Variants in PDZRN4 observed in about 807,000 individuals in gnomAD.
PDZRN4 encodes the protein PDZ domain-containing RING finger protein 4.
A neutral mutation model predicts 99.0 loss-of-function variants in PDZRN4; 70 were observed. That is an observed-to-expected ratio of 0.71 (90% CI 0.58 to 0.86). The LOEUF (loss-of-function observed/expected upper bound fraction) is 0.86. Among genes scored for constraint, PDZRN4 ranks in the 40% least tolerant of loss-of-function variants. The pLI is 0.00. For missense variants in PDZRN4, 1,474 were observed against 1,331.2 expected, an observed-to-expected ratio of 1.11 and a Z score of -1.67; for synonymous variants, 551 against 501.6, an observed-to-expected ratio of 1.10 and a Z score of -1.32.
chr12:41,376,217 AT>A (rs1390655629), intron 3 of PDZRN4, among the ~76,000 whole-genome samples: 6 of 152,048 alleles, frequency 3.9e-5, no homozygotes. Context: ...CAACATACTG[AT>A]TTTGTTTCCT....
chr12:41,245,568 G>T (rs7309290), intron 3 of PDZRN4, among the ~76,000 whole-genome samples: 86,028 of 151,918 alleles, frequency 0.57, 24,450 homozygotes, highest in East Asian at 0.65. Context: ...ATATGTGGTG[G>T]AGGGAATGAT....
rs142040236 is a variant in PDZRN4 at position 41,415,143 on chromosome 12, G to A, written c.844-91313G>A. 2.5e-4 allele frequency among the ~76,000 whole-genome samples: 38 copies of A among 152,132 alleles called. 1 individual carries two copies. In the East Asian group the frequency reaches 6.8e-3, roughly 27 times the overall value. On this transcript the variant is annotated intron_variant, in intron 3 of 9. Coordinates refer to ENST00000402685, the MANE Select transcript of PDZRN4 (RefSeq NM_001164595.2). ...TTAAAATATACCTCCATTGAGATGA[G>A]CCATAGAGAACTTGTGGAAAGTGTT...
intron 3 of PDZRN4, among the ~76,000 whole-genome samples, chr12:41,345,807 AAGAT>A (rs1204280748): frequency 6.6e-6 from 1 of 152,114 alleles, no homozygotes. Context: ...TTAAAACTGA[AAGAT>A]AAACTTCTGC....
intron 3 of PDZRN4, among the ~76,000 whole-genome samples, chr12:41,415,648 T>A (rs1224625827): frequency 2.0e-5 from 3 of 152,110 alleles, no homozygotes; most frequent in African/African-American, 7.2e-5. Flanking sequence ...CTTCCGTATC[T>A]AAAGGAAGAA....
intron 3 of PDZRN4, among the ~76,000 whole-genome samples, chr12:41,396,397 ATTGTTGTTGTTG>A (rs141772109): frequency 6.6e-6 from 1 of 151,848 alleles, no homozygotes; most frequent in Admixed American, 6.6e-5. Flanking sequence ...AGCGTTTGCT[ATTGTTGTTGTTG>A]TTGTTGTTGT....
chr12:41,359,291 A>G (rs1255139515), intron 3 of PDZRN4, among the ~76,000 whole-genome samples: 4 of 152,050 alleles, frequency 2.6e-5, no homozygotes, highest in African/African-American at 9.7e-5. Flanking sequence ...AATTTGGGCT[A>G]GAAAAGGGAC....
intron 3 of PDZRN4, among the ~76,000 whole-genome samples, chr12:41,345,919 T>A (rs1364184214): frequency 6.6e-6 from 1 of 152,136 alleles, no homozygotes; most frequent in Non-Finnish European, 1.5e-5. Context: ...TGATAATATA[T>A]TACATGTATA....
intron 3 of PDZRN4, among the ~76,000 whole-genome samples, chr12:41,390,400 T>G (rs1035014537): frequency 5.9e-5 from 9 of 152,170 alleles, no homozygotes; most frequent in Non-Finnish European, 4.4e-5. Context: ...TTTGTCATTG[T>G]TGTTCTATTT....
At chr12:41,413,362 G>A (rs1181854858) in intron 3 of PDZRN4, among the ~76,000 whole-genome samples, 1 of 152,138 alleles carries the variant, frequency 6.6e-6, no homozygotes, top group African/African-American at 2.4e-5. Context: ...TAGAGGCTGG[G>A]AAGGACAGGG....
At position 41,394,692 on chromosome 12, in the gene PDZRN4, G is replaced by A. The variant is rs187665117; in HGVS notation, c.844-111764G>A. On this transcript the variant is annotated intron_variant, in intron 3 of 9. Coordinates refer to ENST00000402685, the MANE Select transcript of PDZRN4 (RefSeq NM_001164595.2). ...TTAGTTCCTCACTAACTGTTGACCA[G>A]AGACTTCAGTTCCTTGCCATGCATG... is the stretch of plus-strand genomic sequence containing the variant. Among the ~76,000 whole-genome samples, 459 of 152,186 alleles carry A rather than the reference G, an allele frequency of 3.0e-3. 5 individuals are homozygous for A. Among genetic ancestry groups the A allele is most frequent in the African/African-American group, 0.011 (439 of 41,522 alleles).
chr12:41,552,469 C>A (rs1238162633), intron 5 of PDZRN4, among the ~76,000 whole-genome samples, 187 bp from the exon 6 acceptor site: 2 of 151,988 alleles, frequency 1.3e-5, no homozygotes, highest in East Asian at 3.9e-4. Context: ...CACTGGCTTC[C>A]CTACATAGAA....
chr12:41,510,106 G>A (rs962209806), intron 5 of PDZRN4, among the ~76,000 whole-genome samples, 193 bp downstream of exon 5: 12 of 152,038 alleles, frequency 7.9e-5, no homozygotes, highest in African/African-American at 1.2e-4. Flanking sequence ...TATTTTTATA[G>A]TATAAGCTTA....
At chr12:41,419,305 T>A (rs1449756399) in intron 3 of PDZRN4, among the ~76,000 whole-genome samples, 1 of 152,166 alleles carries the variant, frequency 6.6e-6, no homozygotes, top group Non-Finnish European at 1.5e-5. Context: ...TACAATAGTG[T>A]AACAGCTGGT....
At chr12:41,377,880 T>C (rs1197257942) in intron 3 of PDZRN4, among the ~76,000 whole-genome samples, 1 of 152,198 alleles carries the variant, frequency 6.6e-6, no homozygotes, top group Non-Finnish European at 1.5e-5. Context: ...CAGAGTTTTT[T>C]GGTGGAATCT....
chr12:41,264,987 T>C (rs754136487), intron 3 of PDZRN4, among the ~76,000 whole-genome samples: 15 of 152,172 alleles, frequency 9.9e-5, no homozygotes, highest in Non-Finnish European at 2.1e-4. Context: ...AACTATCTAG[T>C]GGGTACTATG....
intron 3 of PDZRN4, among the ~76,000 whole-genome samples, chr12:41,403,302 C>T (rs1952317222): frequency 6.6e-6 from 1 of 152,038 alleles, no homozygotes; most frequent in Admixed American, 6.6e-5. Flanking sequence ...TCTACCCTCT[C>T]GTATCATAAC....
intron 3 of PDZRN4, among the ~76,000 whole-genome samples, chr12:41,445,065 G>T (rs552948272): frequency 4.4e-4 from 67 of 151,938 alleles, no homozygotes; most frequent in African/African-American, 1.5e-3. Context: ...TATTTTCACT[G>T]TTTAATTGAC....
At chr12:41,552,793 C>A in intron 6 of PDZRN4, 39 bp downstream of exon 6, 1 of 1,465,766 alleles carries the variant, frequency 6.8e-7, no homozygotes, top group Non-Finnish European at 9.6e-7. Context: ...AGGAGGGAGA[C>A]TAGGAAGAAC....
In PDZRN4 at chr12:41,229,454, C is replaced by T. The variant is rs1951015205; in HGVS notation, c.843+35266C>T. Among the ~76,000 whole-genome samples the T allele has an allele frequency of 4.6e-5, 7 of 152,042 alleles. No individual in the cohort carries two copies. The South Asian group carries it at 1.5e-3, about 32-fold the overall frequency. ...TTCTCATTAAACAGCAGATTCTCTGCATTTCAAGTAAGCATGAGTAGCCTG... is the reference window on the plus strand; with the variant it reads ...TTCTCATTAAACAGCAGATTCTCTGTATTTCAAGTAAGCATGAGTAGCCTG... On this transcript the variant is annotated intron_variant, in intron 3 of 9. Coordinates refer to ENST00000402685, the MANE Select transcript of PDZRN4 (RefSeq NM_001164595.2).
Sources: gnomAD v4.1 joint callset for allele counts (sites outside exome capture counted in the v4.1 genomes callset) on GRCh38, gnomAD v4.1.1 for gene constraint, MANE v1.5 for transcripts, NCBI Gene and HGNC (gene_info 2026-07-23, HGNC 2026-07-21) for gene names.